The following KIF2C variants were observed in gnomAD, a reference collection of about 807,000 sequenced individuals.
KIF2C encodes the protein kinesin-like protein KIF2C.
In KIF2C, 34 loss-of-function variants were observed where a neutral mutation model predicts 97.4. That is an observed-to-expected ratio of 0.35 (90% CI 0.27 to 0.46). The LOEUF (loss-of-function observed/expected upper bound fraction) is 0.46, where lower values mean the gene tolerates loss of function less well. Ranked by LOEUF, KIF2C falls within the 20% of genes least tolerant of loss-of-function variation. The probability of loss-of-function intolerance (pLI) is 1.00; values close to 1 mark genes in which losing one functional copy is unlikely to be tolerated. For missense variants in KIF2C, 750 were observed against 907.6 expected (o/e 0.83, Z 2.23); for synonymous variants, 313 against 318.2 (o/e 0.98, Z 0.17).
chr1:44,743,372 C>G (rs1649028383), intron 2 of KIF2C, among the ~76,000 whole-genome samples: 1 of 152,188 alleles, frequency 6.6e-6, no homozygotes, highest in Non-Finnish European at 1.5e-5. Context: ...GTCTACCTCA[C>G]AGGGTTGTTG....
At position 44,761,921 on chromosome 1, in the gene KIF2C, C is replaced by A; in HGVS notation, c.1689C>A (p.Ala563=). ...IGENSRTCMI[A]TISPGISSCE... is the part of the protein sequence containing the mutation. ...CACCCACCCCTCTTTTGCAGATTGC[C>A]ACGATCTCACCAGGCATAAGCTCCT... The change falls in exon 17 of 21, where the codon GCC becomes GCA. Residue 563 remains alanine (A), a synonymous_variant. Transcript: ENST00000372224. 1 of 1,614,148 alleles carries A rather than the reference C, an allele frequency of 6.2e-7. No homozygotes were observed. The highest frequency in any genetic ancestry group is 8.5e-7 in the Non-Finnish European group (1 of 1,180,000).
chr1:44,746,850 C>T (rs1319009560), intron 2 of KIF2C: 1 of 1,240,156 alleles, frequency 8.1e-7, no homozygotes, highest in Non-Finnish European at 1.1e-6. Flanking sequence ...TAGGGGTACC[C>T]CTGTCTATAG....
intron 2 of KIF2C, among the ~76,000 whole-genome samples, chr1:44,741,996 CAAAAAAAAA>C: frequency 1.5e-5 from 1 of 67,744 alleles, no homozygotes; most frequent in South Asian, 6.7e-4. Flanking sequence ...GGACTTGTCT[CAAAAAAAAA>C]AAAAAAAAAA....
chr1:44,766,990 C>T (rs771421088), intron 20 of KIF2C, 41 bp downstream of exon 20: 4 of 1,612,644 alleles, frequency 2.5e-6, no homozygotes, highest in African/African-American at 1.3e-5. Context: ...CGATGGTGGC[C>T]TCTGCTGGCT....
chr1:44,740,236 C>T (rs1648866509), intron 1 of KIF2C, among the ~76,000 whole-genome samples: 1 of 152,200 alleles, frequency 6.6e-6, no homozygotes, highest in South Asian at 2.1e-4. Context: ...CGGACCTTCT[C>T]CAAGGCTGGT....
rs144101496 is a variant in KIF2C, at chr1:44,764,842, G to A, written c.1972-1984G>A. Among the ~76,000 whole-genome samples the A allele has an allele frequency of 1.6e-3, 246 of 152,244 alleles. 1 individual carries two copies. The highest frequency in any genetic ancestry group is 0.013 in the Admixed American group (206 of 15,292). ...ATTATTTAAAAAGAATCATTTGACC[G>A]GGCGCAATGGCTCACGCCTGTAATC... On this transcript the variant is annotated intron_variant, in intron 19 of 20. Transcript: ENST00000372224.
intron 14 of KIF2C, among the ~76,000 whole-genome samples, chr1:44,759,765 C>T (rs531771119): frequency 1.3e-5 from 2 of 152,364 alleles, no homozygotes; most frequent in African/African-American, 4.8e-5. Flanking sequence ...TCTCCTTGCT[C>T]TTCCCTCCCT....
Position 44,740,938 on chromosome 1 carries a change from G to A in KIF2C, c.96G>A (p.Arg32=). 1 of 1,613,642 alleles carries A rather than the reference G, an allele frequency of 6.2e-7. No homozygotes were observed. The highest frequency in any genetic ancestry group is 8.5e-7 in the Non-Finnish European group (1 of 1,179,646). ...SNGLIHSANV[R]TVNLEKSCVS... ...GTTTAATTCACAGTGCCAATGTAAG[G>A]ACTGTGAACTTGGAGAAATCCTGTG... Residue 32 remains arginine, a synonymous_variant, in exon 2 of 21, where the codon AGG becomes AGA. Transcript: ENST00000372224.
At chr1:44,750,133 A>G (rs1372138479) in intron 4 of KIF2C, among the ~76,000 whole-genome samples, 2 of 151,260 alleles carry the variant, frequency 1.3e-5, no homozygotes, top group Non-Finnish European at 3.0e-5. Flanking sequence ...GACTTAGATT[A>G]GGTCTCTCTC....
chr1:44,745,894 T>C (rs1162290930), intron 2 of KIF2C, among the ~76,000 whole-genome samples: 2 of 151,878 alleles, frequency 1.3e-5, no homozygotes, highest in Non-Finnish European at 2.9e-5. Context: ...CTTTTTTTTT[T>C]GAGACGGAGT....
intron 10 of KIF2C, 116 bp from the exon 11 acceptor site, chr1:44,757,440 G>GAGT: frequency 1.4e-6 from 1 of 705,118 alleles, no homozygotes; most frequent in Admixed American, 2.1e-5. Context: ...GGCAGGAGAG[G>GAGT]AGTGCTATTC....
intron 16 of KIF2C, among the ~76,000 whole-genome samples, chr1:44,761,624 A>C (rs1225935608): frequency 6.6e-6 from 1 of 150,692 alleles, no homozygotes; most frequent in Non-Finnish European, 1.5e-5. Context: ...AAAAAAGAAA[A>C]AAGAAAAAGA....
Position 44,747,642 on chromosome 1 carries a change from T to G in KIF2C, c.268-10T>G. ...AGCCATATATTGTGACAATTTGATTTGTTTTTCAGAAACAAAAACGGAGAT... is the reference window on the plus strand; with the variant it reads ...AGCCATATATTGTGACAATTTGATTGGTTTTTCAGAAACAAAAACGGAGAT... On this transcript the variant is annotated splice_polypyrimidine_tract_variant and intron_variant, in intron 3 of 20. Transcript: ENST00000372224. 6.2e-7 allele frequency: 1 copy of G among 1,613,708 alleles called. No individual in the cohort carries two copies. Among genetic ancestry groups the G allele is most frequent in the Non-Finnish European group, 8.5e-7 (1 of 1,179,764 alleles).
intron 14 of KIF2C, 92 bp downstream of exon 14, chr1:44,759,440 GC>G: frequency 6.6e-7 from 1 of 1,521,084 alleles, no homozygotes; most frequent in Non-Finnish European, 9.0e-7. Flanking sequence ...TACCCAGAGT[GC>G]TGCTTTGCCC....
intron 13 of KIF2C, 67 bp from the exon 14 acceptor site, chr1:44,759,139 G>A: frequency 6.2e-7 from 1 of 1,601,192 alleles, no homozygotes; most frequent in Non-Finnish European, 8.5e-7. Context: ...AGGCTAGTAG[G>A]AGGAAGCAGT....
Position 44,767,467 on chromosome 1 carries a change from T to A in KIF2C, c.*288T>A, listed in dbSNP as rs114533015. 3 of 331,972 alleles carry A rather than the reference T, an allele frequency of 9.0e-6. No individual in the cohort carries two copies. The highest frequency in any genetic ancestry group is 4.4e-5 in the Admixed American group (1 of 22,720). The allele number at this position is 331,972 out of a possible 1,614,324, so 20.6% of individuals were successfully genotyped here. A position where few individuals can be genotyped will look rare whatever the true frequency, so the allele number is the denominator to read the frequency against. ...AAGGGGAATGTTCTCAGCATAGAGC[T>A]TTCTCCGCAGCATCCTGCCTGCGTG... On this transcript the variant is annotated 3_prime_UTR_variant, in exon 21 of 21. Transcript: ENST00000372224.
chr1:44,762,146 A>G (rs539262699), intron 17 of KIF2C, 163 bp downstream of exon 17: 53 of 841,610 alleles, frequency 6.3e-5, no homozygotes, highest in East Asian at 1.3e-4. Context: ...GTCTGTCCCA[A>G]TCCTCTCCGG....
At chr1:44,745,741 A>T (rs1410888879) in intron 2 of KIF2C, among the ~76,000 whole-genome samples, 1 of 150,678 alleles carries the variant, frequency 6.6e-6, no homozygotes, top group Non-Finnish European at 1.5e-5. Flanking sequence ...AAGTGCTGGG[A>T]TTACAGACGT....
At chr1:44,744,163 AGT>A (rs1573549919) in intron 2 of KIF2C, among the ~76,000 whole-genome samples, 1 of 151,874 alleles carries the variant, frequency 6.6e-6, no homozygotes, top group South Asian at 2.1e-4. Flanking sequence ...GATCTCCCTC[AGT>A]GAGCCGATTT....
Sources: allele counts gnomAD v4.1 joint callset (sites outside exome capture counted in the v4.1 genomes callset), GRCh38; gene constraint gnomAD v4.1.1; transcripts MANE v1.5; gene names NCBI Gene and HGNC (gene_info 2026-07-23, HGNC 2026-07-21).